The following PABPC4 variants were observed in gnomAD, a reference collection of about 807,000 sequenced individuals.
The protein encoded by PABPC4 is poly(A) binding protein cytoplasmic 4, also known as polyadenylate-binding protein 4.
In PABPC4, 15 loss-of-function variants were observed where a neutral mutation model predicts 74.5. That is an observed-to-expected ratio of 0.20 (90% CI 0.13 to 0.31). PABPC4 has a LOEUF of 0.31. PABPC4 is among the 10% of genes least tolerant of loss of function. The pLI is 1.00. For synonymous variants in PABPC4, 345 were observed against 303.0 expected (o/e 1.14, Z -1.44); for missense variants, 610 against 853.5 (o/e 0.71, Z 3.55).
chr1:39,570,074 A>C, intron 3 of PABPC4, 72 bp from the exon 4 acceptor site: 1 of 1,481,012 alleles, frequency 6.8e-7, no homozygotes, highest in Non-Finnish European at 9.3e-7. Context: ...CCAAAGGAAT[A>C]CAGGTTAAAG....
In PABPC4 at chr1:39,567,779, G is replaced by C. The variant is rs752205109; in HGVS notation, c.944C>G (p.Ser315Cys). The C allele has an allele frequency of 2.5e-6, 4 of 1,590,306 alleles. No individual in the cohort carries two copies. The highest frequency in any genetic ancestry group is 3.5e-6 in the Non-Finnish European group (4 of 1,158,466). The change falls in exon 7 of 16, where the codon TCT (serine) becomes TGT (cysteine). Residue 315 changes from serine (S) to cysteine (C), a missense_variant. Ser to Cys is a moderately radical substitution (Grantham distance 112, BLOSUM62 -1). Transcript: ENST00000372858. Reference protein sequence around the residue: ...IDDEKLRKEFSPFGSITSAKV... With the variant: ...IDDEKLRKEFCPFGSITSAKV... ...AGCACTGGTAATTGATCCAAAAGGAGAAAATTCTTTCCTTAATTTCTCATC... is the reference window on the plus strand; with the variant it reads ...AGCACTGGTAATTGATCCAAAAGGACAAAATTCTTTCCTTAATTTCTCATC...
chr1:39,568,947 G>A lies in PABPC4; in HGVS notation c.739-8C>T, dbSNP rs757466389. 19 of 1,601,726 alleles carry A rather than the reference G, an allele frequency of 1.2e-5. No individual in the cohort carries two copies. The highest frequency in any genetic ancestry group is 1.4e-5 in the Non-Finnish European group (17 of 1,175,794). On this transcript the variant is annotated splice_polypyrimidine_tract_variant and splice_region_variant and intron_variant, in intron 5 of 15. Transcript: ENST00000372858. ...ATTCATCTCTTCCACAGCCTAGAGA[G>A]GAAAAATATGTCTTTAAAATAAAGT...
chr1:39,565,262 T>G lies in PABPC4; in HGVS notation c.1089A>C (p.Leu363=). ...MNGRIVGSKP[L]YVALAQRKEE... ...CCTTCCTCTGGGCCAGGGCAACATA[T>G]AGTGGCTTGGAGCCCACAATGCGTC... is the stretch of plus-strand genomic sequence containing the variant. The change falls in exon 8 of 16, where the codon CTA becomes CTC. Residue 363 remains leucine (L), a synonymous_variant. Transcript: ENST00000372858. 6.2e-7 allele frequency: 1 copy of G among 1,614,212 alleles called. No homozygotes were observed.
Position 39,569,682 on chromosome 1 carries a change from G to A in PABPC4, c.651C>T (p.Thr217=), listed in dbSNP as rs1645908906. 2 of 1,613,018 alleles carry A rather than the reference G, an allele frequency of 1.2e-6. No individual in the cohort carries two copies. Among genetic ancestry groups the A allele is most frequent in the East Asian group, 2.2e-5 (1 of 44,886 alleles). The change falls in exon 5 of 16, where the codon ACC becomes ACT. Residue 217 remains threonine (T), a synonymous_variant. Coordinates refer to ENST00000372858, the MANE Select transcript of PABPC4 (RefSeq NM_001135653.2). ...GATCTCTCATCACCTTGACACTTAG[G>A]GTCTTACCTATTACCAAAGGACAGA... ...LKELFSQFGK[T]LSVKVMRDPN...
Position 39,572,569 on chromosome 1 carries a change from T to C in PABPC4, c.211A>G (p.Thr71Ala), listed in dbSNP as rs768622819. The C allele has an allele frequency of 6.2e-7, 1 of 1,613,880 alleles. No homozygotes were observed. Among genetic ancestry groups the C allele is most frequent in the Non-Finnish European group, 8.5e-7 (1 of 1,179,822 alleles). Residue 71 changes from threonine to alanine, a missense_variant, in exon 2 of 16, where the codon ACC becomes GCC. Physicochemically the swap from Thr to Ala is moderately conservative, Grantham distance 58. Coordinates refer to ENST00000372858, the MANE Select transcript of PABPC4 (RefSeq NM_001135653.2). ...CCCTTAATCACATCAAAGTTCATGG[T>C]GTCCAAAGCCCGCTCAGCTGTAAGA... ...QPADAERALD[T>A]MNFDVIKGKP...
At chr1:39,566,929 GGT>G (rs1385920465) in intron 7 of PABPC4, among the ~76,000 whole-genome samples, 1 of 152,184 alleles carries the variant, frequency 6.6e-6, no homozygotes, top group Non-Finnish European at 1.5e-5. Flanking sequence ...CACATTCCCA[GGT>G]TGGGAGCAAA....
Position 39,562,094 on chromosome 1 carries a change from G to A in PABPC4, c.1872C>T (p.Ser624=). The A allele has an allele frequency of 6.2e-7, 1 of 1,613,186 alleles. No individual in the cohort carries two copies. The highest frequency in any genetic ancestry group is 2.2e-5 in the East Asian group (1 of 44,888). ...TCACCTTGGAGCGGAGAGACTCGGG[G>A]GACTCTAACATGTGCAGCAGCTCAG... The part of the protein sequence containing the change: ...DNSELLHMLE[S]PESLRSKVDE... The change falls in exon 14 of 16, where the codon TCC becomes TCT. Residue 624 remains serine (S), a synonymous_variant. Coordinates refer to ENST00000372858, the MANE Select transcript of PABPC4 (RefSeq NM_001135653.2).
intron 1 of PABPC4, among the ~76,000 whole-genome samples, chr1:39,575,459 C>A (rs1193332538): frequency 1.3e-5 from 2 of 152,232 alleles, no homozygotes; most frequent in Non-Finnish European, 2.9e-5. Context: ...AAGGACCACA[C>A]GCAGTGGAAT....
At chr1:39,567,311 A>C in intron 7 of PABPC4, 1 of 477,160 alleles carries the variant, frequency 2.1e-6, no homozygotes, top group Non-Finnish European at 4.2e-6. Context: ...TCTTTTTAAG[A>C]CCAGGGTAGA....
chr1:39,573,671 T>C (rs1557720526), intron 1 of PABPC4, among the ~76,000 whole-genome samples: 4 of 151,992 alleles, frequency 2.6e-5, no homozygotes, highest in Admixed American at 1.3e-4. Flanking sequence ...AATACACAAT[T>C]AGCTGGGCAT....
chr1:39,572,229 T>C (rs1645952449), intron 2 of PABPC4, among the ~76,000 whole-genome samples, 164 bp downstream of exon 2: 1 of 152,184 alleles, frequency 6.6e-6, no homozygotes, highest in African/African-American at 2.4e-5. Flanking sequence ...TTACGCTGGG[T>C]ATGGCCCTGA....
chr1:39,571,614 T>C (rs1645941077), intron 2 of PABPC4: 1 of 535,144 alleles, frequency 1.9e-6, no homozygotes, highest in Admixed American at 3.0e-5. Flanking sequence ...TAAAATTGGG[T>C]GCTGTGGCTC....
chr1:39,563,886 C>A lies in PABPC4; in HGVS notation c.1490G>T (p.Gly497Val). The change falls in exon 11 of 16, where the codon GGT (glycine) becomes GTT (valine). Residue 497 changes from glycine to valine, a missense_variant. By Grantham distance (109) the Gly-to-Val change is moderately radical. Around this residue, in one of 4 missense-constraint regions of PABPC4, gnomAD observed 277 missense variants for 301.8 expected, o/e 0.92. Coordinates refer to ENST00000372858, the MANE Select transcript of PABPC4 (RefSeq NM_001135653.2). ...ECPDRLAMDF[G>V]GAGAAQQGLT... The stretch of plus-strand genomic sequence containing the variant: ...CCCTTGCTGGGCGGCACCAGCCCCA[C>A]CAAAGTCCATAGCCAAGCGGTCCGG... 6.2e-7 allele frequency: 1 copy of A among 1,614,242 alleles called. No homozygotes were observed. The highest frequency in any genetic ancestry group is 8.5e-7 in the Non-Finnish European group (1 of 1,180,042).
In PABPC4 at chr1:39,576,246, G is replaced by A. The variant is rs1232877923; in HGVS notation, c.-295C>T. The A allele has an allele frequency of 3.1e-6, 1 of 324,212 alleles. No individual in the cohort carries two copies. Among genetic ancestry groups the A allele is most frequent in the East Asian group, 4.8e-5 (1 of 20,702 alleles). 20.1% of individuals were successfully genotyped at this position (324,212 alleles called of 1,614,324 possible). A position where few individuals can be genotyped will look rare whatever the true frequency, so the allele number is the denominator to read the frequency against. On this transcript the variant is annotated 5_prime_UTR_variant, in exon 1 of 16. Coordinates refer to ENST00000372858, the MANE Select transcript of PABPC4 (RefSeq NM_001135653.2). ...AAGCTCCAAATTTCAAAAAATCAAA[G>A]TAGGAAAAAAATTAAACGGGGAATC...
At position 39,567,796 on chromosome 1, in the gene PABPC4, T is replaced by C. The variant is rs1388642735; in HGVS notation, c.927A>G (p.Lys309=). The change falls in exon 7 of 16, where the codon AAA becomes AAG. Residue 309 remains lysine (K), a synonymous_variant. Transcript: ENST00000372858. ...CAAAAGGAGAAAATTCTTTCCTTAA[T>C]TTCTCATCATCAATAGTGTCATCCA... The part of the protein sequence containing the change: ...KNLDDTIDDE[K]LRKEFSPFGS... The C allele has an allele frequency of 6.2e-7, 1 of 1,601,468 alleles. No individual in the cohort carries two copies. The highest frequency in any genetic ancestry group is 1.3e-5 in the African/African-American group (1 of 74,696).
At chr1:39,565,562 G>C (rs901742381) in intron 7 of PABPC4, among the ~76,000 whole-genome samples, 184 bp from the exon 8 acceptor site, 4 of 151,836 alleles carry the variant, frequency 2.6e-5, no homozygotes, top group African/African-American at 9.7e-5. Context: ...AGGCGCAGTG[G>C]CTCATGCCTG....
chr1:39,561,786 A>G lies in PABPC4; in HGVS notation c.1895T>C (p.Val632Ala), dbSNP rs759365854. ...LESPESLRSK[V>A]DEAVAVLQAH... The stretch of plus-strand genomic sequence containing the variant: ...CTGTAGAACTGCTACAGCTTCATCC[A>G]CCTGCGAGAAATCTTCAGGTGGTCA... The change falls in exon 15 of 16, where the codon GTG (valine) becomes GCG (alanine). Residue 632 changes from valine to alanine, a missense_variant and splice_region_variant. By Grantham distance (64) the Val-to-Ala change is moderately conservative. This residue lies in a region of PABPC4 where 29 missense variants were observed against 51.6 expected (regional missense o/e 0.56). Transcript: ENST00000372858. The G allele has an allele frequency of 2.7e-5, 43 of 1,613,602 alleles. No homozygotes were observed. Among genetic ancestry groups the G allele is most frequent in the Non-Finnish European group, 2.9e-5 (34 of 1,179,684 alleles).
intron 13 of PABPC4, 33 bp from the exon 14 acceptor site, chr1:39,562,236 C>A: frequency 6.2e-7 from 1 of 1,613,690 alleles, no homozygotes; most frequent in East Asian, 2.2e-5. Context: ...AAAAACAAAT[C>A]AAATCCCAGT....
At chr1:39,565,480 C>T in intron 7 of PABPC4, 102 bp from the exon 8 acceptor site, 1 of 1,219,414 alleles carries the variant, frequency 8.2e-7, no homozygotes, top group Non-Finnish European at 1.2e-6. Flanking sequence ...GGTGGGAGGG[C>T]TGCTTGAGCT....
Sources: allele counts gnomAD v4.1 joint callset (sites outside exome capture counted in the v4.1 genomes callset), GRCh38; gene constraint gnomAD v4.1.1; regional missense constraint gnomAD v4.1.1; transcripts MANE v1.5; gene names NCBI Gene and HGNC (gene_info 2026-07-23, HGNC 2026-07-21).